Variants in MCTP1 observed in about 807,000 individuals in gnomAD.
MCTP1 encodes the protein multiple C2 and transmembrane domain containing 1.
MCTP1 carries 69 observed loss-of-function variants against 120.6 expected under a neutral mutation model. That is an observed-to-expected ratio of 0.57 (90% CI 0.47 to 0.70). MCTP1 has a LOEUF of 0.70. MCTP1 is among the 30% of genes least tolerant of loss of function. The pLI is 0.00. For synonymous variants in MCTP1, 529 were observed against 493.1 expected (o/e 1.07, Z -0.96); for missense variants, 1,203 against 1,248.8 (o/e 0.96, Z 0.55).
intron 1 of MCTP1, among the ~76,000 whole-genome samples, chr5:95,262,773 A>G (rs1464921036): frequency 1.3e-5 from 2 of 152,242 alleles, no homozygotes; most frequent in African/African-American, 4.8e-5. Flanking sequence ...CAAAATATCA[A>G]AACTCTTCAA....
intron 1 of MCTP1, among the ~76,000 whole-genome samples, chr5:95,210,533 C>T (rs61892110): frequency 6.8e-6 from 1 of 147,928 alleles, no homozygotes; most frequent in South Asian, 2.3e-4. Context: ...CTTGGTAGAT[C>T]TTCCTCCATC....
chr5:94,900,997 A>T (rs768586846), intron 10 of MCTP1, among the ~76,000 whole-genome samples: 10 of 152,198 alleles, frequency 6.6e-5, no homozygotes, highest in Non-Finnish European at 1.5e-4. Context: ...ATCAAATTCA[A>T]CTCATCAATT....
chr5:95,139,172 A>G (rs1490109514), intron 1 of MCTP1, among the ~76,000 whole-genome samples: 1 of 152,238 alleles, frequency 6.6e-6, no homozygotes, highest in East Asian at 1.9e-4. Flanking sequence ...GTTAAAGCCC[A>G]AAATAAAAAC....
chr5:94,861,200 T>C (rs946739627), intron 17 of MCTP1, among the ~76,000 whole-genome samples: 117 of 151,986 alleles, frequency 7.7e-4, no homozygotes, highest in African/African-American at 2.8e-3. Context: ...GACCCACCTG[T>C]AGCAAAGCCT....
At chr5:95,107,817 A>G (rs1233859031) in intron 1 of MCTP1, among the ~76,000 whole-genome samples, 1 of 152,166 alleles carries the variant, frequency 6.6e-6, no homozygotes, top group Non-Finnish European at 1.5e-5. Context: ...AAGCTATGAA[A>G]ACTTCAATTG....
intron 1 of MCTP1, among the ~76,000 whole-genome samples, chr5:95,202,915 G>A (rs1751231160): frequency 6.6e-6 from 1 of 152,062 alleles, no homozygotes; most frequent in African/African-American, 2.4e-5. Context: ...TTTTGGTACA[G>A]ACGGGGTTTC....
rs370161252 is a variant in MCTP1, at chr5:95,060,266, T to A, written c.721-42782A>T. Among the ~76,000 whole-genome samples the A allele has an allele frequency of 2.0e-5, 3 of 152,060 alleles. No individual in the cohort carries two copies. In the East Asian group the frequency reaches 5.8e-4, roughly 29 times the overall value. On this transcript the variant is annotated intron_variant, in intron 1 of 22. Coordinates refer to ENST00000515393, the MANE Select transcript of MCTP1 (RefSeq NM_024717.7). ...AACATAATCTGTGCTACAGGGGAAGTGAAGAAAGGAAGCACCTGGCTCTGT... is the reference window on the plus strand; with the variant it reads ...AACATAATCTGTGCTACAGGGGAAGAGAAGAAAGGAAGCACCTGGCTCTGT...
At chr5:95,181,824 G>A (rs1436232692) in intron 1 of MCTP1, among the ~76,000 whole-genome samples, 1 of 152,196 alleles carries the variant, frequency 6.6e-6, no homozygotes, top group Non-Finnish European at 1.5e-5. Flanking sequence ...ATAATGATCA[G>A]TAACTAATTG....
At chr5:94,969,630 A>C (rs1826349552) in intron 2 of MCTP1, among the ~76,000 whole-genome samples, 1 of 152,144 alleles carries the variant, frequency 6.6e-6, no homozygotes. Flanking sequence ...AAAAGAAAAA[A>C]AGCAGTGAAC....
intron 1 of MCTP1, among the ~76,000 whole-genome samples, chr5:95,084,563 C>A (rs1755287099): frequency 6.6e-6 from 1 of 151,104 alleles, no homozygotes. Context: ...TCTTGGCCTC[C>A]TGCAAGCAAT....
intron 1 of MCTP1, among the ~76,000 whole-genome samples, chr5:95,253,292 A>G (rs1419743861): frequency 1.3e-5 from 2 of 152,124 alleles, no homozygotes; most frequent in African/African-American, 4.8e-5. Flanking sequence ...TCATAACCGT[A>G]CAAGAATTTT....
intron 7 of MCTP1, among the ~76,000 whole-genome samples, chr5:94,919,133 G>C (rs1239973894): frequency 1.3e-5 from 2 of 152,260 alleles, no homozygotes; most frequent in African/African-American, 2.4e-5. Context: ...GGCTAATCGA[G>C]GGATTAGAGG....
At chr5:95,262,237 A>G (rs993574337) in intron 1 of MCTP1, among the ~76,000 whole-genome samples, 4 of 152,164 alleles carry the variant, frequency 2.6e-5, no homozygotes, top group Non-Finnish European at 5.9e-5. Context: ...TTGAAAATCA[A>G]TCCTACAATC....
chr5:95,242,054 G>A (rs1280981394), intron 1 of MCTP1, among the ~76,000 whole-genome samples: 1 of 152,092 alleles, frequency 6.6e-6, no homozygotes, highest in Non-Finnish European at 1.5e-5. Flanking sequence ...AAAGTCCTCA[G>A]AGAAATGCTT....
At chr5:95,000,686 C>CA (rs539601965) in intron 2 of MCTP1, among the ~76,000 whole-genome samples, 1 of 151,830 alleles carries the variant, frequency 6.6e-6, no homozygotes, top group African/African-American at 2.4e-5. Context: ...TGACAAGACT[C>CA]AAAAAATTCT....
chr5:95,264,262 A>G (rs1758705610), intron 1 of MCTP1, among the ~76,000 whole-genome samples: 1 of 152,234 alleles, frequency 6.6e-6, no homozygotes. Context: ...AGGTTAACTC[A>G]GGTGCTGTTA....
At chr5:94,950,441 T>C (rs1820203061) in intron 3 of MCTP1, among the ~76,000 whole-genome samples, 3 of 152,264 alleles carry the variant, frequency 2.0e-5, no homozygotes, top group Non-Finnish European at 2.9e-5. Context: ...ACTCATAGTG[T>C]GTGATTAACC....
chr5:94,716,933 TATTTA>T (rs140371655), intron 19 of MCTP1, among the ~76,000 whole-genome samples: 397 of 152,248 alleles, frequency 2.6e-3, no homozygotes, highest in African/African-American at 8.4e-3. Flanking sequence ...GTGTACCCAG[TATTTA>T]ATTAAAATGA....
At chr5:94,965,988 G>A (rs968080586) in intron 2 of MCTP1, among the ~76,000 whole-genome samples, 29 of 152,212 alleles carry the variant, frequency 1.9e-4, no homozygotes, top group African/African-American at 6.5e-4. Context: ...CCAGAACTAT[G>A]AGAAATCTAT....
Sources: allele counts gnomAD v4.1 joint callset (sites outside exome capture counted in the v4.1 genomes callset), GRCh38; gene constraint gnomAD v4.1.1; transcripts MANE v1.5; gene names NCBI Gene and HGNC (gene_info 2026-07-23, HGNC 2026-07-21).